DNAAF10: variants seen among roughly 807,000 people sequenced by gnomAD.
DNAAF10 encodes dynein axonemal assembly factor 10, also known as WD repeat domain 92.
A neutral mutation model predicts 43.7 loss-of-function variants in DNAAF10; 28 were observed. The observed-to-expected ratio is 0.64, with a 90% CI of 0.48 to 0.88. The LOEUF is 0.88. Among genes scored for constraint, DNAAF10 ranks in the 40% least tolerant of loss-of-function variants. The pLI is 0.00. For synonymous variants in DNAAF10, 156 were observed against 157.3 expected (o/e 0.99, Z 0.06); for missense variants, 403 against 439.1 (o/e 0.92, Z 0.73).
Position 68,141,793 on chromosome 2 carries a change from T to C in DNAAF10, c.418A>G (p.Thr140Ala), listed in dbSNP as rs748181373. 11 of 1,613,876 alleles carry C rather than the reference T, an allele frequency of 6.8e-6. No individual in the cohort carries two copies. The highest frequency in any genetic ancestry group is 1.7e-5 in the Admixed American group (1 of 59,986). Residue 140 changes from threonine (T) to alanine (A), a missense_variant and splice_region_variant, in exon 4 of 8, where the codon ACT becomes GCT. Thr to Ala is a moderately conservative substitution (Grantham distance 58). Transcript: ENST00000295121. ...TGCCTTGGGTCCCACACCTTCACAG[T>C]TCCTGCCATGCATAAAAGTGAGTTG... is the stretch of plus-strand genomic sequence containing the variant. ...PEIVTGSRDG[T>A]VKVWDPRQKD...
At chr2:68,157,133 C>T in intron 1 of DNAAF10, 128 bp downstream of exon 1, 5 of 1,296,908 alleles carry the variant, frequency 3.9e-6, no homozygotes, top group Non-Finnish European at 5.3e-6. Context: ...CGGTCAGCTT[C>T]TCTGGTCTCG....
intron 4 of DNAAF10, among the ~76,000 whole-genome samples, chr2:68,139,112 T>A (rs1673115970): frequency 6.6e-6 from 1 of 152,164 alleles, no homozygotes; most frequent in Non-Finnish European, 1.5e-5. Flanking sequence ...TGACGTATGA[T>A]CCCCAATGTC....
In DNAAF10 at chr2:68,131,175, C is replaced by T; in HGVS notation, c.*63G>A. On this transcript the variant is annotated 3_prime_UTR_variant, in exon 8 of 8. Coordinates refer to ENST00000295121, the MANE Select transcript of DNAAF10 (RefSeq NM_138458.4). The stretch of plus-strand genomic sequence containing the variant: ...CCTTCTGATCCACCCGCCTCGGCCT[C>T]CCAAAGTGCTGGGATTACAGGAGTG... The T allele has an allele frequency of 1.3e-6, 2 of 1,567,998 alleles. No homozygotes were observed. Among genetic ancestry groups the T allele is most frequent in the Non-Finnish European group, 1.8e-6 (2 of 1,139,658 alleles).
rs1413440956 is a variant in DNAAF10 at position 68,131,140 on chromosome 2, G to C, written c.*98C>G. ...TCACCATGTTAGCCAGGATGGTCTC[G>C]ATCTCCTGACCTTCTGATCCACCCG... On this transcript the variant is annotated 3_prime_UTR_variant, in exon 8 of 8. Coordinates refer to ENST00000295121, the MANE Select transcript of DNAAF10 (RefSeq NM_138458.4). The C allele has an allele frequency of 5.0e-6, 6 of 1,203,766 alleles. No individual in the cohort carries two copies. The highest frequency in any genetic ancestry group is 7.3e-6 in the Non-Finnish European group (6 of 821,454). The allele number at this position is 1,203,766 out of a possible 1,614,324, so 74.6% of individuals were successfully genotyped here. A position where few individuals can be genotyped will look rare whatever the true frequency, so the allele number is the denominator to read the frequency against.
At chr2:68,150,910 A>T (rs763913996) in intron 1 of DNAAF10, among the ~76,000 whole-genome samples, 7 of 152,046 alleles carry the variant, frequency 4.6e-5, no homozygotes, top group Non-Finnish European at 8.8e-5. Flanking sequence ...AGAACTGACT[A>T]CTCCAATATT....
chr2:68,141,645 G>A (rs749845948), intron 4 of DNAAF10, 49 bp downstream of exon 4: 4 of 1,549,496 alleles, frequency 2.6e-6, no homozygotes, highest in Non-Finnish European at 3.6e-6. Flanking sequence ...GCAGCATCGT[G>A]CTTTTTACCA....
chr2:68,155,782 T>C (rs1324742797), intron 1 of DNAAF10, among the ~76,000 whole-genome samples: 1 of 151,802 alleles, frequency 6.6e-6, no homozygotes, highest in Non-Finnish European at 1.5e-5. Flanking sequence ...ATACATTAGA[T>C]AATCTGAACT....
intron 1 of DNAAF10, 79 bp from the exon 2 acceptor site, chr2:68,147,646 T>C (rs1673352084): frequency 2.0e-6 from 2 of 994,504 alleles, no homozygotes; most frequent in Admixed American, 5.2e-5. Flanking sequence ...TATTTATGGC[T>C]CTATTATGGC....
intron 1 of DNAAF10, among the ~76,000 whole-genome samples, chr2:68,154,416 T>A (rs1456418296): frequency 6.6e-6 from 1 of 151,622 alleles, no homozygotes; most frequent in Non-Finnish European, 1.5e-5. Context: ...CCGGCTGATT[T>A]TTTGTATTTT....
chr2:68,149,339 C>G (rs1352759503), intron 1 of DNAAF10, among the ~76,000 whole-genome samples: 2 of 152,158 alleles, frequency 1.3e-5, no homozygotes, highest in Non-Finnish European at 1.5e-5. Flanking sequence ...TCTAAAAGCA[C>G]TCATACCTTC....
chr2:68,151,924 T>C (rs76236167), intron 1 of DNAAF10, among the ~76,000 whole-genome samples: 7,437 of 152,330 alleles, frequency 0.049, 579 homozygotes, highest in African/African-American at 0.17. Context: ...TTCAGAGGAC[T>C]GAGTGACTTG....
intron 1 of DNAAF10, among the ~76,000 whole-genome samples, chr2:68,151,562 C>A (rs910412654): frequency 1.3e-5 from 2 of 152,158 alleles, no homozygotes; most frequent in Non-Finnish European, 2.9e-5. Context: ...GAGAGCAGGG[C>A]CTTGCCTAAT....
intron 7 of DNAAF10, among the ~76,000 whole-genome samples, chr2:68,132,987 G>A (rs543669248): frequency 2.0e-5 from 3 of 152,236 alleles, no homozygotes; most frequent in South Asian, 2.1e-4. Flanking sequence ...TTCTTCAAGC[G>A]AGCAGCCTAA....
At chr2:68,139,492 A>ATT (rs1673125521) in intron 4 of DNAAF10, among the ~76,000 whole-genome samples, 1 of 152,136 alleles carries the variant, frequency 6.6e-6, no homozygotes, top group South Asian at 2.1e-4. Flanking sequence ...AGACTAACTA[A>ATT]TATAAGCTCA....
chr2:68,146,281 T>G (rs1673315161), intron 2 of DNAAF10, among the ~76,000 whole-genome samples: 1 of 152,172 alleles, frequency 6.6e-6, no homozygotes, highest in South Asian at 2.1e-4. Flanking sequence ...AAAAATTTTT[T>G]GAGATATTTC....
chr2:68,134,570 C>G, intron 7 of DNAAF10, 132 bp downstream of exon 7: 2 of 1,507,384 alleles, frequency 1.3e-6, no homozygotes, highest in Non-Finnish European at 1.8e-6. Flanking sequence ...AGTTATGTAA[C>G]ACCATGAAAT....
rs1673634713 is a variant in DNAAF10, at chr2:68,156,959, C to G, written c.183+302G>C. 3 of 452,114 alleles carry G rather than the reference C, an allele frequency of 6.6e-6. No homozygotes were observed. In the South Asian group the frequency reaches 8.3e-5, roughly 12 times the overall value. The allele number at this position is 452,114 out of a possible 1,614,324, so 28.0% of individuals were successfully genotyped here. A position where few individuals can be genotyped will look rare whatever the true frequency, so the allele number is the denominator to read the frequency against. On this transcript the variant is annotated intron_variant, in intron 1 of 7. Coordinates refer to ENST00000295121, the MANE Select transcript of DNAAF10 (RefSeq NM_138458.4). ...ATCCCTGGGAATACCAGGCACTCAGCTGATGCCTGTCGAATGTGTTAGGTT... is the reference window on the plus strand; with the variant it reads ...ATCCCTGGGAATACCAGGCACTCAGGTGATGCCTGTCGAATGTGTTAGGTT...
chr2:68,143,441 C>G (rs931937802), intron 3 of DNAAF10, among the ~76,000 whole-genome samples: 2 of 152,116 alleles, frequency 1.3e-5, no homozygotes, highest in South Asian at 4.1e-4. Flanking sequence ...CCTCAGCCCC[C>G]AAAGTTGTGG....
chr2:68,155,712 AAAC>A (rs1469023383), intron 1 of DNAAF10, among the ~76,000 whole-genome samples: 1 of 152,004 alleles, frequency 6.6e-6, no homozygotes, highest in Admixed American at 6.6e-5. Flanking sequence ...CAAAAAACAA[AAAC>A]AACCCAAAAT....
Sources: gnomAD v4.1 joint callset for allele counts (sites outside exome capture counted in the v4.1 genomes callset) on GRCh38, gnomAD v4.1.1 for gene constraint, MANE v1.5 for transcripts, NCBI Gene and HGNC (gene_info 2026-07-23, HGNC 2026-07-21) for gene names.